Variants in POFUT3 observed in about 807,000 individuals in gnomAD.
The protein encoded by POFUT3 is GDP-fucose protein O-fucosyltransferase 3.
the POFUT3 span, among the ~76,000 whole-genome samples, chr8:33,338,009 C>A: frequency 6.6e-6 from 1 of 152,066 alleles, no homozygotes; most frequent in Non-Finnish European, 1.5e-5. Context: ...ATGAAGCCAG[C>A]CTTACCCTGA....
chr8:33,395,179 G>A, the POFUT3 span, among the ~76,000 whole-genome samples: 19 of 152,282 alleles, frequency 1.2e-4, 1 homozygote, highest in Admixed American at 1.2e-3. Flanking sequence ...CCTGGCAAGG[G>A]TTCTACCCTC....
At chr8:33,353,218 G>C in the POFUT3 span, among the ~76,000 whole-genome samples, 1 of 152,128 alleles carries the variant, frequency 6.6e-6, no homozygotes, top group South Asian at 2.1e-4. Flanking sequence ...TGCTTGCAGG[G>C]GTGTTAGACA....
At chr8:33,315,130 A>C in the POFUT3 span, among the ~76,000 whole-genome samples, 1 of 152,216 alleles carries the variant, frequency 6.6e-6, no homozygotes, top group African/African-American at 2.4e-5. Flanking sequence ...AACCAAGGGC[A>C]ACGTGATTCA....
chr8:33,367,871 T>C, the POFUT3 span, among the ~76,000 whole-genome samples: 16 of 149,884 alleles, frequency 1.1e-4, no homozygotes, highest in East Asian at 9.9e-4. Flanking sequence ...GGTTTTTAAA[T>C]ATAATTACTT....
At chr8:33,311,702 C>CAAA in the POFUT3 span, among the ~76,000 whole-genome samples, 1 of 152,114 alleles carries the variant, frequency 6.6e-6, no homozygotes, top group African/African-American at 2.4e-5. Context: ...ATCCCTATTC[C>CAAA]TTCTACATAA....
At chr8:33,469,230 C>A in the POFUT3 span, among the ~76,000 whole-genome samples, 2 of 151,930 alleles carry the variant, frequency 1.3e-5, no homozygotes, top group African/African-American at 4.8e-5. Flanking sequence ...GGCATGAACC[C>A]GGGAGGCGGA....
chr8:33,382,165 G>A, the POFUT3 span, among the ~76,000 whole-genome samples: 12 of 152,122 alleles, frequency 7.9e-5, no homozygotes, highest in East Asian at 1.7e-3. Context: ...TGGTGGCTGC[G>A]CCTACAGTCC....
the POFUT3 span, chr8:33,451,657 T>C: frequency 3.2e-4 from 48 of 151,958 alleles, no homozygotes; most frequent in African/African-American, 1.1e-3. Flanking sequence ...TGAACATATA[T>C]ATACATATAT....
At chr8:33,379,967 CTATATATACACTCTA>C in the POFUT3 span, among the ~76,000 whole-genome samples, 1 of 99,378 alleles carries the variant, frequency 1.0e-5, no homozygotes, top group East Asian at 2.6e-4. Flanking sequence ...TATATATACA[CTATATATACACTCTA>C]TATATATAGT....
At chr8:33,320,078 G>T in the POFUT3 span, among the ~76,000 whole-genome samples, 32 of 151,812 alleles carry the variant, frequency 2.1e-4, no homozygotes, top group African/African-American at 7.5e-4. Context: ...AATGCTTTGG[G>T]TATCTAAGAA....
At chr8:33,404,936 G>C in the POFUT3 span, among the ~76,000 whole-genome samples, 1 of 151,998 alleles carries the variant, frequency 6.6e-6, no homozygotes, top group Non-Finnish European at 1.5e-5. Flanking sequence ...GACCTTTCCT[G>C]CTCTTTTTTC....
At chr8:33,312,585 C>G in the POFUT3 span, among the ~76,000 whole-genome samples, 1 of 152,018 alleles carries the variant, frequency 6.6e-6, no homozygotes, top group Non-Finnish European at 1.5e-5. Context: ...AGAATCTCTC[C>G]CAGCACCAAA....
chr8:33,461,940 A>ATTTGAGGTCAGGAG, the POFUT3 span, among the ~76,000 whole-genome samples: 1 of 151,336 alleles, frequency 6.6e-6, no homozygotes, highest in Non-Finnish European at 1.5e-5. Flanking sequence ...CAGGTGGATC[A>ATTTGAGGTCAGGAG]TTTGAGGTCA....
the POFUT3 span, chr8:33,436,543 C>A: frequency 2.0e-6 from 2 of 981,366 alleles, no homozygotes; most frequent in Non-Finnish European, 1.6e-6. Flanking sequence ...GTGCAGGTTG[C>A]GTATGGCATC....
At chr8:33,428,942 G>C in the POFUT3 span, among the ~76,000 whole-genome samples, 1 of 152,078 alleles carries the variant, frequency 6.6e-6, no homozygotes, top group Non-Finnish European at 1.5e-5. Flanking sequence ...CACAAAACAG[G>C]CTAAGACAAT....
chr8:33,361,584 A>G, the POFUT3 span, among the ~76,000 whole-genome samples: 1 of 152,370 alleles, frequency 6.6e-6, no homozygotes, highest in South Asian at 2.1e-4. Flanking sequence ...TTTCTGTTAT[A>G]ATTCCACACT....
the POFUT3 span, among the ~76,000 whole-genome samples, chr8:33,394,870 A>C: frequency 6.6e-6 from 1 of 152,166 alleles, no homozygotes; most frequent in African/African-American, 2.4e-5. Context: ...TCTTTAGCCC[A>C]AGATTACAGT....
At chr8:33,358,908 A>C in the POFUT3 span, among the ~76,000 whole-genome samples, 10 of 152,266 alleles carry the variant, frequency 6.6e-5, no homozygotes, top group South Asian at 2.1e-3. Flanking sequence ...TAGCAAAAAG[A>C]GGGTTGTTTA....
chr8:33,442,868 T>G, the POFUT3 span, among the ~76,000 whole-genome samples: 2 of 152,210 alleles, frequency 1.3e-5, no homozygotes. Flanking sequence ...TTCATAAGGT[T>G]TTGCTAGATT....
Sources: allele counts gnomAD v4.1 joint callset (sites outside exome capture counted in the v4.1 genomes callset), GRCh38; gene constraint gnomAD v4.1.1; transcripts MANE v1.5; gene names NCBI Gene and HGNC (gene_info 2026-07-23, HGNC 2026-07-21).